BFSP2: variants seen among roughly 807,000 people sequenced by gnomAD.
BFSP2 encodes the protein phakinin.
In BFSP2, 38 loss-of-function variants were observed where a neutral mutation model predicts 44.9. The observed-to-expected ratio is 0.85, with a 90% confidence interval of 0.65 to 1.11. The LOEUF (loss-of-function observed/expected upper bound fraction) is 1.11, where lower values mean the gene tolerates loss of function less well. BFSP2 is among the 50% of genes least tolerant of loss of function. The pLI is 0.00. For synonymous variants in BFSP2, 197 were observed against 209.9 expected (o/e 0.94, Z 0.53); for missense variants, 525 against 533.0 (o/e 0.99, Z 0.15).
At chr3:133,441,334 T>C (rs985940285) in intron 1 of BFSP2, among the ~76,000 whole-genome samples, 1 of 152,148 alleles carries the variant, frequency 6.6e-6, no homozygotes, top group Non-Finnish European at 1.5e-5. Flanking sequence ...CCTGAGCCAC[T>C]GGTGTGAGCC....
intron 1 of BFSP2, among the ~76,000 whole-genome samples, chr3:133,432,240 CA>C (rs1462279484): frequency 6.6e-6 from 1 of 152,224 alleles, no homozygotes; most frequent in African/African-American, 2.4e-5. Context: ...ACAAGTCTTA[CA>C]GATTAGTTCA....
chr3:133,406,537 G>T (rs1012529861), intron 1 of BFSP2, among the ~76,000 whole-genome samples: 4 of 152,208 alleles, frequency 2.6e-5, no homozygotes, highest in African/African-American at 7.2e-5. Context: ...TTTGAAGCCA[G>T]ACAGCCCCTA....
chr3:133,417,914 CT>C (rs539741385), intron 1 of BFSP2, among the ~76,000 whole-genome samples: 2 of 147,246 alleles, frequency 1.4e-5, no homozygotes, highest in East Asian at 4.1e-4. Flanking sequence ...CTACTCACCC[CT>C]GCCATCTCCC....
chr3:133,415,688 ACCCCTCTACTCACCCCTGTCCTCT>A (rs2073517513), intron 1 of BFSP2, among the ~76,000 whole-genome samples: 1 of 40,538 alleles, frequency 2.5e-5, no homozygotes, highest in Non-Finnish European at 4.9e-5. Context: ...CCCTCTACTC[ACCCCTCTACTCACCCCTGTCCTCT>A]CCCCTCTACT....
chr3:133,458,660 C>A (rs775586789), intron 4 of BFSP2, among the ~76,000 whole-genome samples: 54 of 152,306 alleles, frequency 3.5e-4, no homozygotes, highest in Admixed American at 1.3e-4. Context: ...CACTCCACTG[C>A]ACTCCAGCCT....
At chr3:133,472,992 T>G (rs1461962913) in intron 6 of BFSP2, among the ~76,000 whole-genome samples, 3 of 151,906 alleles carry the variant, frequency 2.0e-5, no homozygotes, top group African/African-American at 7.3e-5. Context: ...CTCGGTATGT[T>G]GCCCAGGCTG....
At chr3:133,430,922 C>A (rs1317546856) in intron 1 of BFSP2, among the ~76,000 whole-genome samples, 1 of 152,094 alleles carries the variant, frequency 6.6e-6, no homozygotes, top group African/African-American at 2.4e-5. Context: ...GGTTTCATTC[C>A]GTGACTAGCC....
At chr3:133,410,918 CT>C in intron 1 of BFSP2, 2 of 153,824 alleles carry the variant, frequency 1.3e-5, no homozygotes. Flanking sequence ...CTTGAACTGC[CT>C]TTTTGCCTTA....
At chr3:133,458,350 C>T (rs1418844536) in intron 4 of BFSP2, among the ~76,000 whole-genome samples, 1 of 152,190 alleles carries the variant, frequency 6.6e-6, no homozygotes, top group Admixed American at 6.5e-5. Context: ...AAAAGACTGT[C>T]TCATTGAGGT....
chr3:133,473,527 A>T (rs1015412619), intron 6 of BFSP2, among the ~76,000 whole-genome samples: 1 of 148,502 alleles, frequency 6.7e-6, no homozygotes, highest in African/African-American at 2.5e-5. Context: ...GCAGGGTCAT[A>T]GGACAATAGT....
At chr3:133,427,409 T>C (rs1466225434) in intron 1 of BFSP2, among the ~76,000 whole-genome samples, 1 of 152,226 alleles carries the variant, frequency 6.6e-6, no homozygotes, top group Non-Finnish European at 1.5e-5. Flanking sequence ...CAGTGATAAA[T>C]ACGATGTCTG....
intron 1 of BFSP2, among the ~76,000 whole-genome samples, chr3:133,434,247 T>C (rs1235360686): frequency 6.6e-6 from 1 of 152,176 alleles, no homozygotes; most frequent in African/African-American, 2.4e-5. Context: ...CCTTCTCTTA[T>C]TCCATTTAGT....
intron 1 of BFSP2, among the ~76,000 whole-genome samples, chr3:133,405,472 A>C (rs914053168): frequency 2.0e-5 from 3 of 152,200 alleles, no homozygotes; most frequent in African/African-American, 7.2e-5. Context: ...CAGGCAATCC[A>C]GATCTGGGCC....
At chr3:133,403,983 G>A (rs573540140) in intron 1 of BFSP2, among the ~76,000 whole-genome samples, 22 of 90,774 alleles carry the variant, frequency 2.4e-4, no homozygotes, top group African/African-American at 6.2e-4. Flanking sequence ...CAGGAAGGCC[G>A]TCCTGGGGAG....
chr3:133,445,638 TTTC>T (rs1218173383), intron 1 of BFSP2: 82 of 152,368 alleles, frequency 5.4e-4, no homozygotes, highest in Admixed American at 2.5e-3. Flanking sequence ...TGTGGGCTTT[TTTC>T]TTGTCATTAT....
chr3:133,469,613 C>T (rs1396994007), intron 5 of BFSP2, among the ~76,000 whole-genome samples: 1 of 152,238 alleles, frequency 6.6e-6, no homozygotes, highest in Non-Finnish European at 1.5e-5. Flanking sequence ...AAGTGTGCTT[C>T]TGTGATCTCA....
rs373254517 is a variant in BFSP2, at chr3:133,456,680, G to A, written c.891+6216G>A. Among the ~76,000 whole-genome samples, 11 of 152,330 alleles carry A rather than the reference G, an allele frequency of 7.2e-5. No individual in the cohort carries two copies. In the South Asian group the frequency reaches 1.7e-3, roughly 23 times the overall value. On this transcript the variant is annotated intron_variant, in intron 4 of 6. Coordinates refer to ENST00000302334, the MANE Select transcript of BFSP2 (RefSeq NM_003571.4). ...ATGGGAGGATCACCTGAGCCTAGGA[G>A]GTCGAGGTTGCAGTGAGCTCTGATC...
intron 4 of BFSP2, among the ~76,000 whole-genome samples, chr3:133,462,084 G>A (rs1406130697): frequency 6.6e-6 from 1 of 152,116 alleles, no homozygotes; most frequent in Non-Finnish European, 1.5e-5. Flanking sequence ...ACCTGGGAGT[G>A]CAGATTTCTG....
intron 4 of BFSP2, among the ~76,000 whole-genome samples, chr3:133,459,425 G>T (rs1046515637): frequency 8.5e-5 from 13 of 152,122 alleles, no homozygotes; most frequent in African/African-American, 2.7e-4. Context: ...TTATCAAGAG[G>T]ATGAGCTTAC....
Sources: gnomAD v4.1 joint callset for allele counts (sites outside exome capture counted in the v4.1 genomes callset) on GRCh38, gnomAD v4.1.1 for gene constraint, MANE v1.5 for transcripts, NCBI Gene and HGNC (gene_info 2026-07-23, HGNC 2026-07-21) for gene names.